The following KLF7 variants were observed in gnomAD, a reference collection of about 807,000 sequenced individuals.
KLF7 encodes the protein Krueppel-like factor 7.
Under a neutral mutation model 27.3 loss-of-function variants are expected in KLF7, and 2 were observed. That is an observed-to-expected ratio of 0.07 (90% CI 0.03 to 0.23). KLF7 has a LOEUF of 0.23. Ranked by LOEUF, KLF7 falls within the 10% of genes least tolerant of loss-of-function variation. The pLI is 1.00. For synonymous variants in KLF7, 165 were observed against 162.4 expected, an observed-to-expected ratio of 1.02 and a Z score of -0.12; for missense variants, 221 against 394.1, an observed-to-expected ratio of 0.56 and a Z score of 3.72.
At chr2:207,129,347 C>A (rs1289871962) in intron 1 of KLF7, among the ~76,000 whole-genome samples, 2 of 152,184 alleles carry the variant, frequency 1.3e-5, no homozygotes, top group African/African-American at 2.4e-5. Flanking sequence ...CCTAACCATA[C>A]AACTTAAGGC....
chr2:207,142,205 T>C (rs2077962762), intron 1 of KLF7, among the ~76,000 whole-genome samples: 1 of 152,338 alleles, frequency 6.6e-6, no homozygotes, highest in South Asian at 2.1e-4. Flanking sequence ...GGAGCTACTA[T>C]TATTTTTCAT....
chr2:207,095,141 C>T (rs1000152695), intron 2 of KLF7, among the ~76,000 whole-genome samples: 6 of 145,214 alleles, frequency 4.1e-5, no homozygotes, highest in East Asian at 4.3e-4. Flanking sequence ...CCTGGGTTCA[C>T]GCCATTCTCC....
intron 2 of KLF7, among the ~76,000 whole-genome samples, chr2:207,118,063 A>G (rs1170125685): frequency 6.6e-6 from 1 of 152,240 alleles, no homozygotes. Flanking sequence ...ATGTAAGCCT[A>G]TAGGTCAGGA....
At chr2:207,166,793 C>G (rs918262207), upstream of KLF7, 9 of 998,516 alleles carry the variant, frequency 9.0e-6, no homozygotes, top group African/African-American at 1.2e-4. Context: ...GGGCCCCTTC[C>G]CGAACTCCCC....
intron 3 of KLF7, among the ~76,000 whole-genome samples, chr2:207,086,204 C>T (rs1559110298): frequency 2.0e-5 from 3 of 152,126 alleles, no homozygotes; most frequent in African/African-American, 7.2e-5. Context: ...CATGTCCTGC[C>T]AAGGGCTACA....
chr2:207,111,187 C>A (rs2077027379), intron 2 of KLF7, among the ~76,000 whole-genome samples: 1 of 152,234 alleles, frequency 6.6e-6, no homozygotes, highest in Non-Finnish European at 1.5e-5. Context: ...AAAAGATTTG[C>A]TGTCACACAT....
At chr2:207,092,028 G>A (rs1017883180) in intron 2 of KLF7, among the ~76,000 whole-genome samples, 3 of 152,174 alleles carry the variant, frequency 2.0e-5, no homozygotes, top group African/African-American at 7.2e-5. Context: ...TGGTACCAGA[G>A]CAGGTTTCAT....
In KLF7 at chr2:207,080,558, G is replaced by A. The variant is rs893359567; in HGVS notation, c.*655C>T. ...TGCCGCCGCTAAGGCCGTTGGGATC[G>A]ACGCGAAAGATCTCAATAGTACTAA... On this transcript the variant is annotated 3_prime_UTR_variant, in exon 4 of 4. Coordinates refer to ENST00000309446, the MANE Select transcript of KLF7 (RefSeq NM_003709.4). 10 of 318,216 alleles carry A rather than the reference G, an allele frequency of 3.1e-5. No homozygotes were observed. The highest frequency in any genetic ancestry group is 6.4e-5 in the African/African-American group (3 of 46,992). The allele number at this position is 318,216 out of a possible 1,614,324, so 19.7% of individuals were successfully genotyped here. A position where few individuals can be genotyped will look rare whatever the true frequency, so the allele number is the denominator to read the frequency against.
At chr2:207,155,729 G>GA (rs1188524235) in intron 1 of KLF7, among the ~76,000 whole-genome samples, 1 of 152,154 alleles carries the variant, frequency 6.6e-6, no homozygotes, top group African/African-American at 2.4e-5. Context: ...ACTCTCAGGG[G>GA]AATCAGTTCT....
At chr2:207,165,211 C>G (rs949618014) in intron 1 of KLF7, among the ~76,000 whole-genome samples, 14 of 152,132 alleles carry the variant, frequency 9.2e-5, no homozygotes, top group Admixed American at 9.2e-4. Context: ...AACGTGTGCG[C>G]AGGGATGTGT....
chr2:207,101,590 G>T (rs900301211), intron 2 of KLF7, among the ~76,000 whole-genome samples: 2 of 152,170 alleles, frequency 1.3e-5, no homozygotes, highest in Non-Finnish European at 2.9e-5. Flanking sequence ...AGAATGGACT[G>T]AAGAGGTGGT....
At chr2:207,087,095 A>C (rs2076406198) in intron 3 of KLF7, among the ~76,000 whole-genome samples, 1 of 152,220 alleles carries the variant, frequency 6.6e-6, no homozygotes, top group Non-Finnish European at 1.5e-5. Context: ...TGATTCATGT[A>C]AATACAGGAG....
chr2:207,087,254 G>A (rs1287864921), intron 3 of KLF7, among the ~76,000 whole-genome samples: 2 of 152,114 alleles, frequency 1.3e-5, no homozygotes, highest in African/African-American at 4.8e-5. Context: ...AGGACGCATG[G>A]GGTCTTTATT....
intron 2 of KLF7, among the ~76,000 whole-genome samples, chr2:207,100,628 G>A (rs964718500): frequency 1.3e-5 from 2 of 151,998 alleles, no homozygotes; most frequent in African/African-American, 4.8e-5. Context: ...TTTCTCACTC[G>A]CTGGGATGTC....
chr2:207,149,450 T>A (rs866089331), intron 1 of KLF7, among the ~76,000 whole-genome samples: 1 of 152,172 alleles, frequency 6.6e-6, no homozygotes, highest in East Asian at 1.9e-4. Flanking sequence ...TGATGATCCA[T>A]CCCGGCTGAC....
intron 3 of KLF7, among the ~76,000 whole-genome samples, chr2:207,083,825 T>C (rs2076328413): frequency 6.6e-6 from 1 of 152,134 alleles, no homozygotes; most frequent in Admixed American, 6.5e-5. Context: ...ACCAGAGAGA[T>C]GTCAGCATGA....
chr2:207,166,654 G>T, upstream of KLF7: 1 of 313,684 alleles, frequency 3.2e-6, no homozygotes, highest in Non-Finnish European at 4.6e-6. Context: ...CGGGGAAGCC[G>T]CCGAGGGCGC....
At position 207,113,437 on chromosome 2, in the gene KLF7, A is replaced by C. The variant is rs577435966; in HGVS notation, c.733+10337T>G. Among the ~76,000 whole-genome samples the C allele has an allele frequency of 2.1e-3, 323 of 152,238 alleles. 1 individual carries two copies. The highest frequency in any genetic ancestry group is 7.4e-3 in the African/African-American group (307 of 41,534). ...GTGCCAGACATTGTGTAGAATTTGCACTTATGCTCCATTAATTGCCAGCAT... is the reference window on the plus strand; with the variant it reads ...GTGCCAGACATTGTGTAGAATTTGCCCTTATGCTCCATTAATTGCCAGCAT... On this transcript the variant is annotated intron_variant, in intron 2 of 3. Transcript: ENST00000309446.
chr2:207,126,204 T>C (rs1440515027), intron 1 of KLF7, among the ~76,000 whole-genome samples: 1 of 152,218 alleles, frequency 6.6e-6, no homozygotes, highest in African/African-American at 2.4e-5. Context: ...TTATTCCATC[T>C]CATTGCTAGA....
Sources: allele counts gnomAD v4.1 joint callset (sites outside exome capture counted in the v4.1 genomes callset), GRCh38; gene constraint gnomAD v4.1.1; transcripts MANE v1.5; gene names NCBI Gene and HGNC (gene_info 2026-07-23, HGNC 2026-07-21).